The following CXCL9 variants were observed in gnomAD, a reference collection of about 807,000 sequenced individuals.
CXCL9 encodes C-X-C motif chemokine 9.
Under a neutral mutation model 11.7 loss-of-function variants are expected in CXCL9, and 8 were observed. The observed-to-expected ratio is 0.68, with a 90% CI of 0.40 to 1.23. The LOEUF is 1.23. Among genes scored for constraint, CXCL9 ranks in the 50% most tolerant of loss-of-function variants. The pLI is 0.01. For missense variants in CXCL9, 133 were observed against 141.7 expected, an observed-to-expected ratio of 0.94 and a Z score of 0.31; for synonymous variants, 43 against 48.2, an observed-to-expected ratio of 0.89 and a Z score of 0.45.
intron 2 of CXCL9, 194 bp from the exon 3 acceptor site, chr4:76,005,087 GC>G: frequency 1.1e-6 from 1 of 884,190 alleles, no homozygotes; most frequent in Non-Finnish European, 1.5e-6. Context: ...TCGCTCTGTT[GC>G]CAGGCTGGAG....
In CXCL9 at chr4:76,003,346, T is replaced by C. The variant is rs530913249; in HGVS notation, c.*252A>G. 5.4e-4 allele frequency: 233 copies of C among 431,278 alleles called. 3 individuals are homozygous for C. Among genetic ancestry groups the C allele is most frequent in the African/African-American group, 4.4e-3 (214 of 48,538 alleles). The allele number at this position is 431,278 out of a possible 1,614,324, so 26.7% of individuals were successfully genotyped here. A position where few individuals can be genotyped will look rare whatever the true frequency, so the allele number is the denominator to read the frequency against. ...GTAGACATGGGTATTGCTAAAATCA[T>C]GGCCTTAAGCATGATGAAATTCAAC... On this transcript the variant is annotated 3_prime_UTR_variant, in exon 4 of 4. Coordinates refer to ENST00000264888, the MANE Select transcript of CXCL9 (RefSeq NM_002416.3).
chr4:76,006,382 C>T (rs1040031810), intron 1 of CXCL9, 108 bp from the exon 2 acceptor site: 1 of 1,118,262 alleles, frequency 8.9e-7, no homozygotes, highest in African/African-American at 1.6e-5. Flanking sequence ...CTATCATTTA[C>T]CGAGTGCCTA....
Position 76,006,236 on chromosome 4 carries a change from T to C in CXCL9, c.103A>G (p.Ser35Gly), listed in dbSNP as rs1008012650. ...AGGTGGATAGTCCCTTGGTTGGTGC[T>C]GATGCAGGAACAGCGACCCTTTCTC... ...VVRKGRCSCISTNQGTIHLQS... is the reference protein window; with the variant it reads ...VVRKGRCSCIGTNQGTIHLQS... Residue 35 changes from serine (S) to glycine (G), a missense_variant, in exon 2 of 4, where the codon AGC (serine) becomes GGC (glycine). Ser to Gly is a moderately conservative substitution (Grantham distance 56, BLOSUM62 0). Transcript: ENST00000264888. The C allele has an allele frequency of 6.8e-6, 11 of 1,613,730 alleles. No individual in the cohort carries two copies. The African/African-American group carries it at 9.3e-5, about 14-fold the overall frequency.
intron 2 of CXCL9, 23 bp downstream of exon 2, chr4:76,006,125 A>T (rs190961446): frequency 2.2e-5 from 35 of 1,609,002 alleles, no homozygotes; most frequent in Non-Finnish European, 2.6e-5. Flanking sequence ...TGGTGCATGC[A>T]TGTTAGCTGG....
In CXCL9 at chr4:76,003,290, G is replaced by T. The variant is rs548380357; in HGVS notation, c.*308C>A. The T allele has an allele frequency of 2.0e-4, 50 of 255,520 alleles. No homozygotes were observed. The highest frequency in any genetic ancestry group is 1.0e-3 in the African/African-American group (46 of 43,864). 15.8% of individuals were successfully genotyped at this position (255,520 alleles called of 1,614,324 possible). ...AGGGCTGCTCTTCCAGGCAGCTGTTGTGAGTGGGATGTGGTTGGGTGAACA... is the reference window on the plus strand; with the variant it reads ...AGGGCTGCTCTTCCAGGCAGCTGTTTTGAGTGGGATGTGGTTGGGTGAACA... On this transcript the variant is annotated 3_prime_UTR_variant, in exon 4 of 4. Coordinates refer to ENST00000264888, the MANE Select transcript of CXCL9 (RefSeq NM_002416.3).
chr4:76,003,652 C>A lies in CXCL9; in HGVS notation c.324G>T (p.Lys108Asn), dbSNP rs1560567231. 6.2e-6 allele frequency: 10 copies of A among 1,612,772 alleles called. No homozygotes were observed. Among genetic ancestry groups the A allele is most frequent in the Non-Finnish European group, 8.5e-6 (10 of 1,179,428 alleles). Residue 108 changes from lysine to asparagine, a missense_variant, in exon 4 of 4, where the codon AAG becomes AAT. Transcript: ENST00000264888. ...KQKNGKKHQKKKVLKVRKSQR... is the reference protein window; with the variant it reads ...KQKNGKKHQKNKVLKVRKSQR... ...GAGATTTTCGAACTTTCAGAACTTT[C>A]TTTTTTTGATGTTTTTTCCCATTCT...
At position 76,003,569 on chromosome 4, in the gene CXCL9, C is replaced by T. The variant is rs773622239; in HGVS notation, c.*29G>A. On this transcript the variant is annotated 3_prime_UTR_variant, in exon 4 of 4. Coordinates refer to ENST00000264888, the MANE Select transcript of CXCL9 (RefSeq NM_002416.3). ...TATAATTAAAATAGAACATTTTTAA[C>T]ACAGAATACTTATTGGTGAAGTGGT... 7.9e-7 allele frequency: 1 copy of T among 1,268,542 alleles called. No individual in the cohort carries two copies. The highest frequency in any genetic ancestry group is 1.8e-5 in the Admixed American group (1 of 56,976). The allele number at this position is 1,268,542 out of a possible 1,614,324, so 78.6% of individuals were successfully genotyped here.
At chr4:76,007,310 C>T in intron 1 of CXCL9, 76 bp downstream of exon 1, 3 of 869,828 alleles carry the variant, frequency 3.4e-6, no homozygotes, top group Admixed American at 1.7e-5. Context: ...AGAACATTCA[C>T]CTTTATCTGG....
chr4:76,003,552 A>C lies in CXCL9; in HGVS notation c.*46T>G. On this transcript the variant is annotated 3_prime_UTR_variant, in exon 4 of 4. Transcript: ENST00000264888. Reference sequence around the variant, plus strand: ...CTTTGGAATGATAGCGGTATAATTAAAATAGAACATTTTTAACACAGAATA... The same window carrying C: ...CTTTGGAATGATAGCGGTATAATTACAATAGAACATTTTTAACACAGAATA... 8.9e-7 allele frequency: 1 copy of C among 1,123,872 alleles called. No individual in the cohort carries two copies. Among genetic ancestry groups the C allele is most frequent in the East Asian group, 2.3e-5 (1 of 42,564 alleles). 69.6% of individuals were successfully genotyped at this position (1,123,872 alleles called of 1,614,324 possible).
At chr4:76,007,279 A>G (rs1445902351) in intron 1 of CXCL9, 107 bp downstream of exon 1, 2 of 780,592 alleles carry the variant, frequency 2.6e-6, no homozygotes, top group African/African-American at 1.7e-5. Context: ...GACTGACCAA[A>G]TATTACTCTT....
At chr4:76,007,007 G>A (rs1395463628) in intron 1 of CXCL9, among the ~76,000 whole-genome samples, 1 of 152,196 alleles carries the variant, frequency 6.6e-6, no homozygotes, top group Non-Finnish European at 1.5e-5. Context: ...AACAAAGATA[G>A]TTAGTAAATA....
intron 1 of CXCL9, 37 bp downstream of exon 1, chr4:76,007,349 C>A: frequency 8.8e-7 from 1 of 1,134,942 alleles, no homozygotes; most frequent in South Asian, 1.2e-5. Context: ...CAGTGAATCA[C>A]TTCTCTTACT....
intron 1 of CXCL9, 31 bp from the exon 2 acceptor site, chr4:76,006,305 G>C (rs774389735): frequency 6.3e-7 from 1 of 1,595,824 alleles, no homozygotes; most frequent in South Asian, 1.1e-5. Context: ...GAACACATCA[G>C]TATAGGCCAA....
Position 76,007,405 on chromosome 4 carries a change from C to A in CXCL9, c.45G>T (p.Leu15=), listed in dbSNP as rs769528250. ...CCTTACCTTGCACTCCAATCAGAAC[C>A]AGCAAGATGATGCCCAAGAGGAAAA... The part of the protein sequence containing the change: ...GVLFLLGIIL[L]VLIGVQGTPV... Residue 15 remains leucine, a synonymous_variant, in exon 1 of 4, where the codon CTG becomes CTT. Coordinates refer to ENST00000264888, the MANE Select transcript of CXCL9 (RefSeq NM_002416.3). The A allele has an allele frequency of 1.2e-6, 2 of 1,600,320 alleles. No individual in the cohort carries two copies. Among genetic ancestry groups the A allele is most frequent in the African/African-American group, 1.3e-5 (1 of 74,752 alleles).
At position 76,007,413 on chromosome 4, in the gene CXCL9, T is replaced by C; in HGVS notation, c.37A>G (p.Ile13Val). 1 of 1,603,800 alleles carries C rather than the reference T, an allele frequency of 6.2e-7. No homozygotes were observed. The highest frequency in any genetic ancestry group is 8.5e-7 in the Non-Finnish European group (1 of 1,170,532). Residue 13 changes from isoleucine to valine, a missense_variant, in exon 1 of 4, where the codon ATC (isoleucine) becomes GTC (valine). Transcript: ENST00000264888. ...KSGVLFLLGI[I>V]LLVLIGVQGT... ...TGCACTCCAATCAGAACCAGCAAGA[T>C]GATGCCCAAGAGGAAAAGAACACCA... is the stretch of plus-strand genomic sequence containing the variant.
In CXCL9 at chr4:76,001,386, G is replaced by C. The variant is rs1448943585; in HGVS notation, c.*2212C>G. 1 of 152,092 alleles carries C rather than the reference G, an allele frequency of 6.6e-6. No homozygotes were observed. Among genetic ancestry groups the C allele is most frequent in the Non-Finnish European group, 1.5e-5 (1 of 68,014 alleles). The allele number at this position is 152,092 out of a possible 1,614,324, so 9.4% of individuals were successfully genotyped here. A position where few individuals can be genotyped will look rare whatever the true frequency, so the allele number is the denominator to read the frequency against. ...ACTTTATTTGAGAGAAAGCTAAAAA[G>C]TAAATAAGGACATATAAGATTTACT... is the stretch of plus-strand genomic sequence containing the variant. On this transcript the variant is annotated 3_prime_UTR_variant, in exon 4 of 4. Transcript: ENST00000264888.
intron 1 of CXCL9, among the ~76,000 whole-genome samples, chr4:76,007,144 T>C (rs549273944): frequency 6.6e-6 from 1 of 152,296 alleles, no homozygotes; most frequent in South Asian, 2.1e-4. Flanking sequence ...ATTACCCAGT[T>C]CAATGAACAT....
rs755124039 is a variant in CXCL9 at position 76,003,651 on chromosome 4, T to G, written c.325A>C (p.Lys109Gln). Reference protein sequence around the residue: ...QKNGKKHQKKKVLKVRKSQRS... With the variant: ...QKNGKKHQKKQVLKVRKSQRS... ...TGAGATTTTCGAACTTTCAGAACTT[T>G]CTTTTTTTGATGTTTTTTCCCATTC... is the stretch of plus-strand genomic sequence containing the variant. The change falls in exon 4 of 4, where the codon AAA becomes CAA. Residue 109 changes from lysine (K) to glutamine (Q), a missense_variant. By Grantham distance (53) the Lys-to-Gln change is moderately conservative (BLOSUM62 1). Transcript: ENST00000264888. 4.3e-6 allele frequency: 7 copies of G among 1,613,010 alleles called. No homozygotes were observed. Among genetic ancestry groups the G allele is most frequent in the Non-Finnish European group, 5.9e-6 (7 of 1,179,524 alleles).
At position 76,002,516 on chromosome 4, in the gene CXCL9, C is replaced by A. The variant is rs1560566799; in HGVS notation, c.*1082G>T. The A allele has an allele frequency of 7.6e-6, 3 of 396,420 alleles. No individual in the cohort carries two copies. The highest frequency in any genetic ancestry group is 4.1e-5 in the African/African-American group (2 of 48,586). 24.6% of individuals were successfully genotyped at this position (396,420 alleles called of 1,614,324 possible). ...TCTGAGACAATGGTCTGGTTGCCATCCTGCCCATAACAACATCAATTAAAA... is the reference window on the plus strand; with the variant it reads ...TCTGAGACAATGGTCTGGTTGCCATACTGCCCATAACAACATCAATTAAAA... On this transcript the variant is annotated 3_prime_UTR_variant, in exon 4 of 4. Transcript: ENST00000264888.
Sources: gnomAD v4.1 joint callset for allele counts (sites outside exome capture counted in the v4.1 genomes callset) on GRCh38, gnomAD v4.1.1 for gene constraint, MANE v1.5 for transcripts, NCBI Gene and HGNC (gene_info 2026-07-23, HGNC 2026-07-21) for gene names.